FMN1: variants seen among roughly 807,000 people sequenced by gnomAD.
FMN1 encodes the protein formin 1, also known as formin-1.
In FMN1, 110 loss-of-function variants were observed where a neutral mutation model predicts 132.4. The observed-to-expected ratio is 0.83, with a 90% CI of 0.71 to 0.97. The LOEUF is 0.97. Ranked by LOEUF, FMN1 falls within the 50% of genes least tolerant of loss-of-function variation. The pLI is 0.00. For synonymous variants in FMN1, 722 were observed against 651.7 expected, an observed-to-expected ratio of 1.11 and a Z score of -1.64; for missense variants, 1,792 against 1,705.3, an observed-to-expected ratio of 1.05 and a Z score of -0.90.
At chr15:33,015,585 C>T (rs935829968) in intron 6 of FMN1, among the ~76,000 whole-genome samples, 2 of 152,174 alleles carry the variant, frequency 1.3e-5, no homozygotes, top group Non-Finnish European at 2.9e-5. Flanking sequence ...TCTGAATTCT[C>T]CACTGAGTAG....
chr15:32,951,116 A>AT (rs1307333220), intron 9 of FMN1, among the ~76,000 whole-genome samples: 1 of 152,170 alleles, frequency 6.6e-6, no homozygotes, highest in Non-Finnish European at 1.5e-5. Flanking sequence ...AAATAACTTC[A>AT]TATTTTAAGA....
chr15:32,789,806 T>C (rs989729222), intron 19 of FMN1, among the ~76,000 whole-genome samples: 4 of 152,218 alleles, frequency 2.6e-5, no homozygotes, highest in African/African-American at 9.7e-5. Context: ...ATTTTTACTG[T>C]ACCTTTTCTG....
At chr15:32,882,897 G>A (rs550478874) in intron 16 of FMN1, among the ~76,000 whole-genome samples, 87 of 152,336 alleles carry the variant, frequency 5.7e-4, no homozygotes, top group Non-Finnish European at 1.1e-3. Flanking sequence ...GACTGACTCA[G>A]GCAAGGGCCA....
At chr15:32,834,325 G>C (rs2058573533) in intron 17 of FMN1, among the ~76,000 whole-genome samples, 1 of 152,144 alleles carries the variant, frequency 6.6e-6, no homozygotes, top group Non-Finnish European at 1.5e-5. Flanking sequence ...CTCTCACATG[G>C]TGTGTGGAAC....
chr15:33,185,590 T>TTTTTTTTTTTTTTTTC (rs1965855944), intron 2 of FMN1, among the ~76,000 whole-genome samples: 1 of 133,242 alleles, frequency 7.5e-6, no homozygotes, highest in African/African-American at 3.0e-5. Context: ...TTTTTTTTTT[T>TTTTTTTTTTTTTTTTC]ACACAGAGTT....
At chr15:32,871,686 T>C (rs994137324) in intron 16 of FMN1, among the ~76,000 whole-genome samples, 2 of 152,162 alleles carry the variant, frequency 1.3e-5, no homozygotes, top group South Asian at 2.1e-4. Flanking sequence ...GGAAAAACCT[T>C]TGTAGAATTC....
intron 5 of FMN1, chr15:33,066,838 G>T: frequency 6.2e-7 from 1 of 1,613,946 alleles, no homozygotes; most frequent in Non-Finnish European, 8.5e-7. Flanking sequence ...TGTCAATGTT[G>T]AGCAGCAGAG....
rs1409373880 is a variant in FMN1 at position 33,154,411 on chromosome 15, G to GCT, written c.502_503dup (p.Ser168ArgfsTer24). On this transcript the variant is annotated frameshift_variant, in exon 4 of 21. Coordinates refer to ENST00000616417, the MANE Select transcript of FMN1 (RefSeq NM_001277313.2). LOFTEE classifies it high-confidence loss of function. Reference sequence around the variant, plus strand: ...TCCTCTTCTGTGGAAGGGCCCCAAAGCTCTCTCTCCTTCCACTAGACCTCC... The same window carrying GCT: ...TCCTCTTCTGTGGAAGGGCCCCAAAGCTCTCTCTCTCCTTCCACTAGACCTCC... 1 of 1,536,014 alleles carries GCT rather than the reference G, an allele frequency of 6.5e-7. No homozygotes were observed. Among genetic ancestry groups the GCT allele is most frequent in the African/African-American group, 1.4e-5 (1 of 73,022 alleles).
chr15:33,166,324 CT>C (rs112939787), intron 3 of FMN1, among the ~76,000 whole-genome samples: 379 of 143,978 alleles, frequency 2.6e-3, no homozygotes, highest in Admixed American at 5.8e-3. Context: ...TTTTCTTTTT[CT>C]TTTTTTTTTT....
intron 9 of FMN1, among the ~76,000 whole-genome samples, chr15:32,941,501 TCAAA>T (rs1237883095): frequency 2.0e-5 from 3 of 152,232 alleles, no homozygotes; most frequent in African/African-American, 7.2e-5. Flanking sequence ...CCATTTTCTC[TCAAA>T]CAATACAACA....
At chr15:32,942,656 T>C (rs548804633) in intron 9 of FMN1, among the ~76,000 whole-genome samples, 1 of 152,212 alleles carries the variant, frequency 6.6e-6, no homozygotes, top group Non-Finnish European at 1.5e-5. Context: ...AACACATTCA[T>C]ACCTATACCA....
chr15:32,983,380 G>A (rs1337692648), intron 7 of FMN1, among the ~76,000 whole-genome samples: 1 of 152,134 alleles, frequency 6.6e-6, no homozygotes, highest in Non-Finnish European at 1.5e-5. Context: ...GTCTTCCAAT[G>A]GACACAGGGA....
At chr15:33,087,597 T>C (rs901010794) in intron 5 of FMN1, among the ~76,000 whole-genome samples, 3 of 152,106 alleles carry the variant, frequency 2.0e-5, no homozygotes, top group African/African-American at 7.2e-5. Context: ...AGGCTATGTT[T>C]TTCTGAACTA....
intron 17 of FMN1, among the ~76,000 whole-genome samples, chr15:32,855,158 A>T (rs78098158): frequency 2.0e-3 from 120 of 61,346 alleles, no homozygotes; most frequent in African/African-American, 0.01. Context: ...CGTGGAGAGT[A>T]AAAAAAAAAA....
intron 17 of FMN1, among the ~76,000 whole-genome samples, chr15:32,819,494 T>C (rs552791535): frequency 2.0e-5 from 3 of 152,264 alleles, no homozygotes; most frequent in Non-Finnish European, 2.9e-5. Flanking sequence ...TGACATGGAG[T>C]GAACATTTTA....
At chr15:32,861,404 T>C (rs1019158613) in intron 16 of FMN1, among the ~76,000 whole-genome samples, 1 of 152,154 alleles carries the variant, frequency 6.6e-6, no homozygotes, top group Admixed American at 6.5e-5. Context: ...TGCTCCAATT[T>C]TATGAGGCCA....
intron 14 of FMN1, chr15:32,899,729 T>C: frequency 1.9e-6 from 1 of 537,156 alleles, no homozygotes. Context: ...TACCTGATTG[T>C]GTATGTCAGA....
rs1230655881 is a variant in FMN1 at position 33,153,642 on chromosome 15, T to C, written c.1273A>G (p.Ile425Val). 6.5e-7 allele frequency: 1 copy of C among 1,536,282 alleles called. No individual in the cohort carries two copies. The highest frequency in any genetic ancestry group is 2.4e-5 in the East Asian group (1 of 40,890). ...GAVNKVPLKV[I>V]ESEKLDEAPE... is the part of the protein sequence containing the mutation. Reference sequence around the variant, plus strand: ...GCTTCATCTAACTTCTCACTCTCTATCACCTTCAGGGGGACCTTGTTCACG... The same window carrying C: ...GCTTCATCTAACTTCTCACTCTCTACCACCTTCAGGGGGACCTTGTTCACG... Residue 425 changes from isoleucine to valine, a missense_variant, in exon 4 of 21, where the codon ATA (isoleucine) becomes GTA (valine). Physicochemically the swap from Ile to Val is conservative, Grantham distance 29. Transcript: ENST00000616417.
intron 19 of FMN1, among the ~76,000 whole-genome samples, chr15:32,781,807 A>G (rs1342650338): frequency 6.6e-6 from 1 of 152,226 alleles, no homozygotes; most frequent in African/African-American, 2.4e-5. Flanking sequence ...ACCACACCTA[A>G]TAACATTGTT....
Sources: allele counts gnomAD v4.1 joint callset (sites outside exome capture counted in the v4.1 genomes callset), GRCh38; gene constraint gnomAD v4.1.1; transcripts MANE v1.5; gene names NCBI Gene and HGNC (gene_info 2026-07-23, HGNC 2026-07-21).